GPBAR1: variants seen among roughly 807,000 people sequenced by gnomAD.
GPBAR1 encodes the protein G protein-coupled bile acid receptor 1, also known as G-protein coupled bile acid receptor 1.
GPBAR1 carries 13 observed loss-of-function variants against 13.0 expected under a neutral mutation model. The ratio of observed to expected loss-of-function variants is 1.00; its 90% CI spans 0.65 to 1.59. GPBAR1 has a LOEUF of 1.59. GPBAR1 is among the 40% of genes most tolerant of loss of function. GPBAR1 has a pLI of 0.00. For synonymous variants in GPBAR1, 193 were observed against 205.2 expected (o/e 0.94, Z 0.51); for missense variants, 398 against 436.4 (o/e 0.91, Z 0.78).
upstream of GPBAR1, chr2:218,259,701 A>C (rs1338568644): frequency 6.6e-6 from 1 of 152,272 alleles, no homozygotes; most frequent in Non-Finnish European, 1.5e-5. Context: ...CTTCAGGCCC[A>C]GCTCTCCCGG....
chr2:218,260,947 G>A (rs1036369193), upstream of GPBAR1: 1 of 152,166 alleles, frequency 6.6e-6, no homozygotes, highest in African/African-American at 2.4e-5. Flanking sequence ...TTTGGAATAT[G>A]TCAGGTCCCA....
chr2:218,260,601 G>A (rs376000142), upstream of GPBAR1, among the ~76,000 whole-genome samples: 21 of 152,250 alleles, frequency 1.4e-4, no homozygotes, highest in African/African-American at 4.8e-4. Flanking sequence ...CCAGATTCAG[G>A]AAGGCAAGTC....
At chr2:218,260,844 T>A (rs1446564942), upstream of GPBAR1, among the ~76,000 whole-genome samples, 1 of 152,114 alleles carries the variant, frequency 6.6e-6, no homozygotes, top group Non-Finnish European at 1.5e-5. Context: ...TTTCTCAGAT[T>A]ACTCCGAGCT....
chr2:218,263,387 G>A lies in GPBAR1; in HGVS notation c.663G>A (p.Arg221=). The A allele has an allele frequency of 6.3e-7, 1 of 1,598,258 alleles. No homozygotes were observed. The highest frequency in any genetic ancestry group is 8.5e-7 in the Non-Finnish European group (1 of 1,173,866). Residue 221 remains arginine, a synonymous_variant, in exon 2 of 2, where the codon AGG becomes AGA. Transcript: ENST00000519574. The surrounding 1 kb of genome is among the most constrained non-coding windows in gnomAD (Gnocchi z 4.2). ...CCCTGGCCCGGGCCCTTACCTGGAG[G>A]CAGGCAAGGGCACAGGCTGGAGCCA... ...PSALARALTW[R]QARAQAGAML...
rs201881617 is a variant in GPBAR1 at position 218,263,166 on chromosome 2, C to T, written c.442C>T (p.His148Tyr). 473 of 1,610,964 alleles carry T rather than the reference C, an allele frequency of 2.9e-4. No individual in the cohort carries two copies. Among genetic ancestry groups the T allele is most frequent in the Non-Finnish European group, 3.8e-4 (443 of 1,179,866 alleles). Residue 148 changes from histidine to tyrosine, a missense_variant, in exon 2 of 2, where the codon CAC (histidine) becomes TAC (tyrosine). His to Tyr is a moderately conservative substitution (Grantham distance 83). Transcript: ENST00000519574. This position sits in a 1 kb window ranked among gnomAD's most constrained non-coding sequence, Gnocchi z 4.2. The stretch of plus-strand genomic sequence containing the variant: ...CAGTCTGCCCGCTCTGGGGTGGAAC[C>T]ACTGGACCCCTGGTGCCAACTGCAG... ...FASLPALGWN[H>Y]WTPGANCSSQ...
upstream of GPBAR1, chr2:218,259,991 G>C (rs550634779): frequency 6.6e-6 from 1 of 152,296 alleles, no homozygotes; most frequent in Admixed American, 6.5e-5. Flanking sequence ...TGCAGCAAGA[G>C]TGTCACTCCC....
chr2:218,262,694 G>A lies in GPBAR1; in HGVS notation c.-31G>A, dbSNP rs56192869. On this transcript the variant is annotated 5_prime_UTR_variant, in exon 2 of 2. Transcript: ENST00000519574. This position sits in a 1 kb window ranked among gnomAD's most constrained non-coding sequence, Gnocchi z 5.1. ...CCATCCTGCAGGCATGCCGGCTGCCGCTCCAGGACTCCCCTGTCCCCAGGA... is the reference window on the plus strand; with the variant it reads ...CCATCCTGCAGGCATGCCGGCTGCCACTCCAGGACTCCCCTGTCCCCAGGA... The A allele has an allele frequency of 5.2e-3, 7,864 of 1,520,630 alleles. 297 individuals are homozygous for A. In the African/African-American group the frequency reaches 0.089, roughly 17 times the overall value. 94.2% of individuals were successfully genotyped at this position (1,520,630 alleles called of 1,614,324 possible). A position where few individuals can be genotyped will look rare whatever the true frequency, so the allele number is the denominator to read the frequency against.
Position 218,262,752 on chromosome 2 carries a change from C to T in GPBAR1, c.28C>T (p.Pro10Ser). ...GACGCCCAACAGCACTGGCGAGGTG[C>T]CCAGCCCCATTCCCAAGGGGGCTTT... Reference protein sequence around the residue: MTPNSTGEVPSPIPKGALGL... With the variant: MTPNSTGEVSSPIPKGALGL... Residue 10 changes from proline (P) to serine (S), a missense_variant, in exon 2 of 2, where the codon CCC (proline) becomes TCC (serine). By Grantham distance (74) the Pro-to-Ser change is moderately conservative (BLOSUM62 -1). Coordinates refer to ENST00000519574, the MANE Select transcript of GPBAR1 (RefSeq NM_170699.3). This position sits in a 1 kb window ranked among gnomAD's most constrained non-coding sequence, Gnocchi z 5.1. 4 of 1,605,882 alleles carry T rather than the reference C, an allele frequency of 2.5e-6. No homozygotes were observed. Among genetic ancestry groups the T allele is most frequent in the Non-Finnish European group, 2.6e-6 (3 of 1,175,716 alleles).
In GPBAR1 at chr2:218,262,913, C is replaced by A; in HGVS notation, c.189C>A (p.Leu63=). ...TGAGCCTACTGCTGGCTGGGCTGCT[C>A]ACGGGTCTGGCATTGCCCACATTGC... is the stretch of plus-strand genomic sequence containing the variant. ...FFLSLLLAGL[L]TGLALPTLPG... The change falls in exon 2 of 2, where the codon CTC becomes CTA. Residue 63 remains leucine, a synonymous_variant. Transcript: ENST00000519574. The surrounding 1 kb of genome is among the most constrained non-coding windows in gnomAD (Gnocchi z 5.1). 1 of 1,613,674 alleles carries A rather than the reference C, an allele frequency of 6.2e-7. No individual in the cohort carries two copies. Among genetic ancestry groups the A allele is most frequent in the Non-Finnish European group, 8.5e-7 (1 of 1,179,788 alleles).
rs181236250 is a variant in GPBAR1 at position 218,262,986 on chromosome 2, G to A, written c.262G>A (p.Val88Ile). The A allele has an allele frequency of 5.9e-5, 96 of 1,613,862 alleles. No homozygotes were observed. The highest frequency in any genetic ancestry group is 2.9e-4 in the East Asian group (13 of 44,856). ...CCGGGGTTACTGGTCCTGCCTCCTC[G>A]TCTACTTGGCTCCCAACTTCTCCTT... ...SRRGYWSCLL[V>I]YLAPNFSFLS... Residue 88 changes from valine (V) to isoleucine (I), a missense_variant, in exon 2 of 2, where the codon GTC (valine) becomes ATC (isoleucine). Val to Ile is a conservative substitution (Grantham distance 29). Coordinates refer to ENST00000519574, the MANE Select transcript of GPBAR1 (RefSeq NM_170699.3). The surrounding 1 kb of genome is among the most constrained non-coding windows in gnomAD (Gnocchi z 5.1).
chr2:218,263,347 G>A lies in GPBAR1; in HGVS notation c.623G>A (p.Arg208His), dbSNP rs376966143. ...DICRLERAVC[R>H]DEPSALARAL... ...TGCCGGCTGGAGCGGGCAGTGTGCC[G>A]CGATGAGCCCTCCGCCCTGGCCCGG... The change falls in exon 2 of 2, where the codon CGC becomes CAC. Residue 208 changes from arginine (R) to histidine (H), a missense_variant. Physicochemically the swap from Arg to His is conservative, Grantham distance 29 (BLOSUM62 0). Transcript: ENST00000519574. The surrounding 1 kb of genome is among the most constrained non-coding windows in gnomAD (Gnocchi z 4.2). The A allele has an allele frequency of 4.2e-5, 68 of 1,600,194 alleles. No homozygotes were observed. Among genetic ancestry groups the A allele is most frequent in the African/African-American group, 2.4e-4 (18 of 74,714 alleles).
chr2:218,263,464 C>G lies in GPBAR1; in HGVS notation c.740C>G (p.Ser247Ter). Residue 247 changes from serine to a stop codon, truncating the protein, a stop_gained, in exon 2 of 2, where the codon TCA becomes TGA. Coordinates refer to ENST00000519574, the MANE Select transcript of GPBAR1 (RefSeq NM_170699.3). LOFTEE classifies it high-confidence loss of function. This position sits in a 1 kb window ranked among gnomAD's most constrained non-coding sequence, Gnocchi z 4.2. The stretch of plus-strand genomic sequence containing the variant: ...CCCTACGTGGCCACACTGCTCCTCT[C>G]AGTCCTGGCCTATGAGCAGCGCCCG... ...WGPYVATLLL[S>*]VLAYEQRPPL... is the part of the protein sequence containing the mutation. The G allele has an allele frequency of 6.2e-7, 1 of 1,605,864 alleles. No homozygotes were observed. The highest frequency in any genetic ancestry group is 8.5e-7 in the Non-Finnish European group (1 of 1,176,936).
At position 218,263,223 on chromosome 2, in the gene GPBAR1, TACC is replaced by T. The variant is rs1299579300; in HGVS notation, c.500_502del (p.Tyr167_Leu168delinsPhe). 4 of 1,608,354 alleles carry T rather than the reference TACC, an allele frequency of 2.5e-6. No homozygotes were observed. The South Asian group carries it at 4.4e-5, about 18-fold the overall frequency. ...GGCTATCTTCCCAGCCCCCTACCTG[TACC>T]TCGAAGTCTATGGGCTCCTGCTGCC... On this transcript the variant is annotated inframe_deletion, in exon 2 of 2. Coordinates refer to ENST00000519574, the MANE Select transcript of GPBAR1 (RefSeq NM_170699.3). The surrounding 1 kb of genome is among the most constrained non-coding windows in gnomAD (Gnocchi z 4.2).
Position 218,262,157 on chromosome 2 carries a change from A to G in GPBAR1, c.-45-523A>G, listed in dbSNP as rs1690439082. Reference sequence around the variant, plus strand: ...GGCTGCTCACTGAGCTGTGATGGCTACAAGGACAGATGGGGGGAAGGGTGC... The same window carrying G: ...GGCTGCTCACTGAGCTGTGATGGCTGCAAGGACAGATGGGGGGAAGGGTGC... On this transcript the variant is annotated intron_variant, in intron 1 of 1. Coordinates refer to ENST00000519574, the MANE Select transcript of GPBAR1 (RefSeq NM_170699.3). This position sits in a 1 kb window ranked among gnomAD's most constrained non-coding sequence, Gnocchi z 5.1. 1 of 153,764 alleles carries G rather than the reference A, an allele frequency of 6.5e-6. No homozygotes were observed. Among genetic ancestry groups the G allele is most frequent in the South Asian group, 2.0e-4 (1 of 4,888 alleles). 9.5% of individuals were successfully genotyped at this position (153,764 alleles called of 1,614,324 possible).
chr2:218,263,140 C>A lies in GPBAR1; in HGVS notation c.416C>A (p.Ala139Asp). Reference sequence around the variant, plus strand: ...ACCTGGGCTGGTCCCCTGCTCTTTGCCAGTCTGCCCGCTCTGGGGTGGAAC... The same window carrying A: ...ACCTGGGCTGGTCCCCTGCTCTTTGACAGTCTGCCCGCTCTGGGGTGGAAC... Reference protein sequence around the residue: ...LLTWAGPLLFASLPALGWNHW... With the variant: ...LLTWAGPLLFDSLPALGWNHW... The change falls in exon 2 of 2, where the codon GCC becomes GAC. Residue 139 changes from alanine (A) to aspartate (D), a missense_variant. Coordinates refer to ENST00000519574, the MANE Select transcript of GPBAR1 (RefSeq NM_170699.3). The surrounding 1 kb of genome is among the most constrained non-coding windows in gnomAD (Gnocchi z 4.2). 1 of 1,612,022 alleles carries A rather than the reference C, an allele frequency of 6.2e-7. No homozygotes were observed.
rs763290281 is a variant in GPBAR1, at chr2:218,263,648, G to A, written c.924G>A (p.Arg308=). 1.2e-6 allele frequency: 2 copies of A among 1,612,878 alleles called. No individual in the cohort carries two copies. Among genetic ancestry groups the A allele is most frequent in the Admixed American group, 1.7e-5 (1 of 60,028 alleles). Residue 308 remains arginine (R), a synonymous_variant, in exon 2 of 2, where the codon CGG becomes CGA. Transcript: ENST00000519574. This position sits in a 1 kb window ranked among gnomAD's most constrained non-coding sequence, Gnocchi z 4.2. ...AGGGGCTGTGGGGAAGAGCCTCCCG[G>A]GACAGTCCCGGCCCCAGCATTGCCT... The part of the protein sequence containing the change: ...CLQGLWGRAS[R]DSPGPSIAYH...
Position 218,262,746 on chromosome 2 carries a change from G to T in GPBAR1, c.22G>T (p.Glu8Ter), listed in dbSNP as rs749106499. MTPNSTG[E>*]VPSPIPKGAL... ...CAAGATGACGCCCAACAGCACTGGC[G>T]AGGTGCCCAGCCCCATTCCCAAGGG... is the stretch of plus-strand genomic sequence containing the variant. The change falls in exon 2 of 2, where the codon GAG becomes TAG. Residue 8 changes from glutamate to a stop codon, truncating the protein, a stop_gained. Coordinates refer to ENST00000519574, the MANE Select transcript of GPBAR1 (RefSeq NM_170699.3). LOFTEE classifies it high-confidence loss of function. This position sits in a 1 kb window ranked among gnomAD's most constrained non-coding sequence, Gnocchi z 5.1. 1 of 1,600,504 alleles carries T rather than the reference G, an allele frequency of 6.2e-7. No homozygotes were observed. The highest frequency in any genetic ancestry group is 1.3e-5 in the African/African-American group (1 of 74,774).
Position 218,263,215 on chromosome 2 carries a change from C to T in GPBAR1, c.491C>T (p.Pro164Leu), listed in dbSNP as rs1374599143. 5 of 1,608,614 alleles carry T rather than the reference C, an allele frequency of 3.1e-6. No homozygotes were observed. Among genetic ancestry groups the T allele is most frequent in the South Asian group, 2.2e-5 (2 of 91,082 alleles). ...AGCTCCCAGGCTATCTTCCCAGCCC[C>T]CTACCTGTACCTCGAAGTCTATGGG... ...NCSSQAIFPA[P>L]YLYLEVYGLL... is the part of the protein sequence containing the mutation. Residue 164 changes from proline to leucine, a missense_variant, in exon 2 of 2, where the codon CCC becomes CTC. Pro to Leu is a moderately conservative substitution (Grantham distance 98). Transcript: ENST00000519574. The surrounding 1 kb of genome is among the most constrained non-coding windows in gnomAD (Gnocchi z 4.2).
chr2:218,263,240 G>A lies in GPBAR1; in HGVS notation c.516G>A (p.Gly172=), dbSNP rs1252634102. 6.2e-7 allele frequency: 1 copy of A among 1,607,908 alleles called. No homozygotes were observed. The highest frequency in any genetic ancestry group is 1.7e-5 in the Admixed American group (1 of 60,020). Residue 172 remains glycine (G), a synonymous_variant, in exon 2 of 2, where the codon GGG becomes GGA. Transcript: ENST00000519574. This position sits in a 1 kb window ranked among gnomAD's most constrained non-coding sequence, Gnocchi z 4.2. ...PAPYLYLEVY[G]LLLPAVGAAA... ...CCTACCTGTACCTCGAAGTCTATGG[G>A]CTCCTGCTGCCCGCCGTGGGTGCTG...
Sources: gnomAD v4.1 joint callset for allele counts (sites outside exome capture counted in the v4.1 genomes callset) on GRCh38, gnomAD v4.1.1 for gene constraint, Gnocchi (gnomAD v3.1) non-coding constraint, MANE v1.5 for transcripts, NCBI Gene and HGNC (gene_info 2026-07-23, HGNC 2026-07-21) for gene names.